The following ATP9A variants were observed in gnomAD, a reference collection of about 807,000 sequenced individuals.
ATP9A encodes the protein ATPase phospholipid transporting 9A, also known as probable phospholipid-transporting ATPase IIA.
Under a neutral mutation model 144.1 loss-of-function variants are expected in ATP9A, and 52 were observed. That is an observed-to-expected ratio of 0.36 (90% CI 0.29 to 0.45). ATP9A has a LOEUF of 0.45. Ranked by LOEUF, ATP9A falls within the 20% of genes least tolerant of loss-of-function variation. The pLI, the probability that ATP9A is intolerant of heterozygous loss-of-function variation, is 1.00. For synonymous variants in ATP9A, 582 were observed against 557.4 expected (o/e 1.04, Z -0.62); for missense variants, 947 against 1,392.7 (o/e 0.68, Z 5.09).
chr20:51,746,168 G>C (rs978499489), intron 1 of ATP9A, among the ~76,000 whole-genome samples: 10 of 152,228 alleles, frequency 6.6e-5, no homozygotes, highest in African/African-American at 2.4e-4. Flanking sequence ...AGACACTGGG[G>C]GTCTATCTGC....
At chr20:51,750,391 C>G (rs2077826210) in intron 1 of ATP9A, among the ~76,000 whole-genome samples, 1 of 152,132 alleles carries the variant, frequency 6.6e-6, no homozygotes, top group Non-Finnish European at 1.5e-5. Context: ...TCACCTCATG[C>G]ATTTGTGTTT....
chr20:51,625,078 C>T (rs2077242483), intron 18 of ATP9A, 114 bp downstream of exon 18: 1 of 973,982 alleles, frequency 1.0e-6, no homozygotes, highest in Admixed American at 2.6e-5. Flanking sequence ...AGATAAGGCA[C>T]TCCTGGTGTC....
At chr20:51,628,855 G>A (rs1601067189) in intron 16 of ATP9A, 125 bp downstream of exon 16, 9 of 747,208 alleles carry the variant, frequency 1.2e-5, no homozygotes, top group East Asian at 2.5e-5. Context: ...TTAAGCAGCT[G>A]CATTTCAGGG....
intron 1 of ATP9A, among the ~76,000 whole-genome samples, chr20:51,751,425 A>G (rs962211870): frequency 6.6e-6 from 1 of 151,174 alleles, no homozygotes; most frequent in African/African-American, 2.4e-5. Context: ...ATGCCCAGCT[A>G]ATTTTTTATT....
At chr20:51,652,952 CAAAAA>C (rs1283098053) in intron 14 of ATP9A, among the ~76,000 whole-genome samples, 1 of 150,276 alleles carries the variant, frequency 6.7e-6, no homozygotes, top group Admixed American at 6.6e-5. Context: ...ACTAAAAATA[CAAAAA>C]AAAATAGCCG....
At chr20:51,684,583 C>T (rs926962832) in intron 9 of ATP9A, among the ~76,000 whole-genome samples, 1 of 151,554 alleles carries the variant, frequency 6.6e-6, no homozygotes, top group African/African-American at 2.4e-5. Flanking sequence ...GTAGTCCCAG[C>T]CACTGGGGAG....
chr20:51,633,278 A>G (rs1216982242), intron 15 of ATP9A, among the ~76,000 whole-genome samples: 11 of 152,250 alleles, frequency 7.2e-5, no homozygotes, highest in Non-Finnish European at 1.0e-4. Context: ...ATAATACGAA[A>G]AAATTCTCAT....
At chr20:51,704,492 A>G (rs1053658836) in intron 4 of ATP9A, among the ~76,000 whole-genome samples, 7 of 152,118 alleles carry the variant, frequency 4.6e-5, no homozygotes, top group Non-Finnish European at 1.0e-4. Context: ...AAATAACTTT[A>G]TATCTGGGCG....
At chr20:51,714,619 C>T (rs1213180026) in intron 3 of ATP9A, among the ~76,000 whole-genome samples, 3 of 152,312 alleles carry the variant, frequency 2.0e-5, no homozygotes, top group East Asian at 3.9e-4. Context: ...CCACCCGCCT[C>T]GGCCTCCCAA....
At chr20:51,693,278 C>A (rs906133812) in intron 7 of ATP9A, among the ~76,000 whole-genome samples, 3 of 152,164 alleles carry the variant, frequency 2.0e-5, no homozygotes, top group Non-Finnish European at 4.4e-5. Flanking sequence ...CAGTGGAGTG[C>A]GGAGATGCCC....
At chr20:51,639,215 T>C in intron 15 of ATP9A, 128 bp downstream of exon 15, 1 of 1,038,428 alleles carries the variant, frequency 9.6e-7, no homozygotes, top group Non-Finnish European at 1.4e-6. Context: ...TAGGGAATTA[T>C]ATTCCCTTGT....
intron 22 of ATP9A, among the ~76,000 whole-genome samples, chr20:51,614,934 T>C (rs1326520850): frequency 6.6e-6 from 1 of 152,150 alleles, no homozygotes; most frequent in Non-Finnish European, 1.5e-5. Flanking sequence ...TTCCTGGAGC[T>C]TTTATTACTT....
Position 51,674,179 on chromosome 20 carries a change from G to C in ATP9A, c.1011C>G (p.Leu337=), listed in dbSNP as rs751845685. Residue 337 remains leucine (L), a synonymous_variant, in exon 11 of 28, where the codon CTC becomes CTG. Coordinates refer to ENST00000338821, the MANE Select transcript of ATP9A (RefSeq NM_006045.3). ...TAATGGGGATGATGTTGGAAAACAA[G>C]AGGAGGAAGCGGATGATCTGCAGGT... ...RWYLQIIRFL[L]LFSNIIPISL... 1.9e-6 allele frequency: 3 copies of C among 1,614,020 alleles called. No individual in the cohort carries two copies. The Admixed American group carries it at 5.0e-5, about 27-fold the overall frequency.
In ATP9A at chr20:51,739,214, C is replaced by T. The variant is rs185712168; in HGVS notation, c.69-9236G>A. ...GCCCGCCAACTTTCTTGCCATCCAACAGTCTGGACCCCATTGTCCCCAACC... is the reference window on the plus strand; with the variant it reads ...GCCCGCCAACTTTCTTGCCATCCAATAGTCTGGACCCCATTGTCCCCAACC... On this transcript the variant is annotated intron_variant, in intron 1 of 27. Coordinates refer to ENST00000338821, the MANE Select transcript of ATP9A (RefSeq NM_006045.3). Among the ~76,000 whole-genome samples the T allele has an allele frequency of 5.9e-5, 9 of 152,274 alleles. No individual in the cohort carries two copies. The East Asian group carries it at 1.7e-3, about 29-fold the overall frequency.
chr20:51,740,088 A>C (rs985148841), intron 1 of ATP9A, among the ~76,000 whole-genome samples: 3 of 152,000 alleles, frequency 2.0e-5, no homozygotes, highest in Admixed American at 2.0e-4. Context: ...ACAGGGTCTC[A>C]CTCTGTTACC....
Position 51,657,037 on chromosome 20 carries a change from C to T in ATP9A, c.1407G>A (p.Val469=), listed in dbSNP as rs1423058732. 1.2e-6 allele frequency: 2 copies of T among 1,614,202 alleles called. No homozygotes were observed. The highest frequency in any genetic ancestry group is 4.5e-5 in the East Asian group (2 of 44,874). Residue 469 remains valine (V), a synonymous_variant, in exon 14 of 28, where the codon GTG becomes GTA. Coordinates refer to ENST00000338821, the MANE Select transcript of ATP9A (RefSeq NM_006045.3). ...AVKAIALCHN[V]TPVYESNGVT... ...CACCGTTGGACTCATACACGGGAGTCACGTTGTGGCAGAGCGCGATGGCCT... is the reference window on the plus strand; with the variant it reads ...CACCGTTGGACTCATACACGGGAGTTACGTTGTGGCAGAGCGCGATGGCCT...
At chr20:51,615,706 G>A (rs4809855) in intron 22 of ATP9A, among the ~76,000 whole-genome samples, 18,777 of 152,136 alleles carry the variant, frequency 0.12, 1,255 homozygotes, top group Admixed American at 0.18. Context: ...CACAATCTCC[G>A]CTCACTGCAA....
intron 15 of ATP9A, among the ~76,000 whole-genome samples, chr20:51,634,116 C>T (rs950977374): frequency 5.9e-5 from 9 of 152,124 alleles, no homozygotes; most frequent in African/African-American, 1.4e-4. Flanking sequence ...GGAAGACACA[C>T]GAGCCACATC....
rs376315406 is a variant in ATP9A, at chr20:51,639,394, T to C, written c.1617A>G (p.Leu539=). 2.7e-5 allele frequency: 43 copies of C among 1,613,870 alleles called. No homozygotes were observed. Among genetic ancestry groups the C allele is most frequent in the Non-Finnish European group, 3.1e-5 (37 of 1,179,982 alleles). The part of the protein sequence containing the change: ...PGDQILNFTI[L]QIFPFTYESK... ...TTTCATAGGTGAAAGGGAAGATCTG[T>C]AGGATGGTGAAGTTCAGGATCTGGT... The change falls in exon 15 of 28, where the codon CTA becomes CTG. Residue 539 remains leucine (L), a synonymous_variant. Coordinates refer to ENST00000338821, the MANE Select transcript of ATP9A (RefSeq NM_006045.3).
Sources: gnomAD v4.1 joint callset for allele counts (sites outside exome capture counted in the v4.1 genomes callset) on GRCh38, gnomAD v4.1.1 for gene constraint, MANE v1.5 for transcripts, NCBI Gene and HGNC (gene_info 2026-07-23, HGNC 2026-07-21) for gene names.